The following YWHAZ variants were observed in gnomAD, a reference collection of about 807,000 sequenced individuals.
YWHAZ encodes the protein tyrosine 3-monooxygenase/tryptophan 5-monooxygenase activation protein zeta.
For missense variants in YWHAZ, 79 were observed against 284.8 expected, an observed-to-expected ratio of 0.28 and a Z score of 5.20; for synonymous variants, 87 against 103.6, an observed-to-expected ratio of 0.84 and a Z score of 0.97.
intron 2 of YWHAZ, among the ~76,000 whole-genome samples, chr8:100,938,275 A>C (rs1056484389): frequency 1.3e-5 from 2 of 152,238 alleles, no homozygotes; most frequent in Non-Finnish European, 2.9e-5. Context: ...ATGATACTAC[A>C]TTAAGAGACT....
At chr8:100,941,165 A>ACTAC (rs1563684328) in intron 2 of YWHAZ, among the ~76,000 whole-genome samples, 1 of 152,344 alleles carries the variant, frequency 6.6e-6, no homozygotes, top group East Asian at 1.9e-4. Context: ...CCTATATAAT[A>ACTAC]CTACCTTCAA....
At chr8:100,934,465 C>T (rs1306222961) in intron 2 of YWHAZ, among the ~76,000 whole-genome samples, 1 of 151,878 alleles carries the variant, frequency 6.6e-6, no homozygotes, top group Non-Finnish European at 1.5e-5. Flanking sequence ...CTTTAGGAGG[C>T]CAAGGTGGGT....
At chr8:100,935,596 G>A (rs1474498602) in intron 2 of YWHAZ, among the ~76,000 whole-genome samples, 3 of 152,112 alleles carry the variant, frequency 2.0e-5, no homozygotes, top group African/African-American at 7.2e-5. Context: ...GCAGCAAAGG[G>A]GCAGGCTAAG....
intron 1 of YWHAZ, chr8:100,951,044 A>G: frequency 6.0e-6 from 1 of 168,014 alleles, no homozygotes; most frequent in Non-Finnish European, 9.0e-6. Context: ...CCCCGTCCAC[A>G]CCTCCCCCGC....
At chr8:100,941,571 G>A (rs1809860460) in intron 2 of YWHAZ, among the ~76,000 whole-genome samples, 1 of 152,152 alleles carries the variant, frequency 6.6e-6, no homozygotes, top group African/African-American at 2.4e-5. Flanking sequence ...GATCACCTGA[G>A]GTCAGGAGTT....
intron 1 of YWHAZ, among the ~76,000 whole-genome samples, chr8:100,949,942 T>G (rs142038164): frequency 3.9e-4 from 60 of 152,310 alleles, no homozygotes; most frequent in African/African-American, 1.4e-3. Context: ...ATAAATGACT[T>G]CAGAGGAAAA....
chr8:100,946,922 C>G (rs1810327957), intron 2 of YWHAZ, among the ~76,000 whole-genome samples: 1 of 149,274 alleles, frequency 6.7e-6, no homozygotes, highest in Non-Finnish European at 1.5e-5. Flanking sequence ...AAACCCAATA[C>G]ATTTTTTATT....
intron 2 of YWHAZ, among the ~76,000 whole-genome samples, chr8:100,944,794 C>T (rs2130327438): frequency 6.6e-6 from 1 of 152,256 alleles, no homozygotes; most frequent in Non-Finnish European, 1.5e-5. Context: ...CCCCACAACC[C>T]TGTGGGATGA....
rs146501384 is a variant in YWHAZ, at chr8:100,926,568, G to A, written c.295-1529C>T. On this transcript the variant is annotated intron_variant, in intron 2 of 5. Coordinates refer to ENST00000395958, the MANE Select transcript of YWHAZ (RefSeq NM_145690.3). ...CGAGAGATAGAGGCTGCAGTGAGCC[G>A]AGGTTGCACCACTGCACTGCAGCCT... Among the ~76,000 whole-genome samples, 1,358 of 152,278 alleles carry A rather than the reference G, an allele frequency of 8.9e-3. 19 individuals carry two copies. Among genetic ancestry groups the A allele is most frequent in the African/African-American group, 0.025 (1,036 of 41,560 alleles).
rs1812882433 is a variant in YWHAZ, at chr8:100,919,567, A to C, written c.*1126T>G. On this transcript the variant is annotated 3_prime_UTR_variant, in exon 6 of 6. Coordinates refer to ENST00000395958, the MANE Select transcript of YWHAZ (RefSeq NM_145690.3). ...TTTTGTTATGATAAATTTTGTGTTT[A>C]AACTTGGTAAGAGCCCATTAGCTGC... 1 of 152,364 alleles carries C rather than the reference A, an allele frequency of 6.6e-6. No homozygotes were observed. Among genetic ancestry groups the C allele is most frequent in the South Asian group, 2.1e-4 (1 of 4,834 alleles). The allele number at this position is 152,364 out of a possible 1,614,324, so 9.4% of individuals were successfully genotyped here.
At position 100,924,313 on chromosome 8, in the gene YWHAZ, C is replaced by A. The variant is rs1048331379; in HGVS notation, c.419-15G>T. The A allele has an allele frequency of 3.7e-6, 6 of 1,607,142 alleles. No individual in the cohort carries two copies. Among genetic ancestry groups the A allele is most frequent in the Non-Finnish European group, 5.1e-6 (6 of 1,178,162 alleles). ...ATCGACAATCCCTGGATAAGACACA[C>A]CAAAACGTACTGAGATAAAGTGTGC... is the stretch of plus-strand genomic sequence containing the variant. On this transcript the variant is annotated splice_polypyrimidine_tract_variant and intron_variant, in intron 3 of 5. Coordinates refer to ENST00000395958, the MANE Select transcript of YWHAZ (RefSeq NM_145690.3). The surrounding 1 kb of genome is among the most constrained non-coding windows in gnomAD (Gnocchi z 5.7).
At chr8:100,943,487 C>T (rs1438534020) in intron 2 of YWHAZ, among the ~76,000 whole-genome samples, 1 of 152,134 alleles carries the variant, frequency 6.6e-6, no homozygotes, top group Non-Finnish European at 1.5e-5. Context: ...GAAATTAATC[C>T]AAAAGTCCAA....
At position 100,948,572 on chromosome 8, in the gene YWHAZ, A is replaced by G. The variant is rs773206519; in HGVS notation, c.294+24T>C. ...CTCATAGGGACCCTACAGTATAATG[A>G]AGCCAGACTGAATTGATTCTCACCA... On this transcript the variant is annotated intron_variant, in intron 2 of 5. Transcript: ENST00000395958. The surrounding 1 kb of genome is among the most constrained non-coding windows in gnomAD (Gnocchi z 4.2). 3.4e-5 allele frequency: 55 copies of G among 1,606,442 alleles called. No homozygotes were observed. The highest frequency in any genetic ancestry group is 2.4e-4 in the South Asian group (22 of 90,568).
At chr8:100,947,885 T>C (rs1416425271) in intron 2 of YWHAZ, among the ~76,000 whole-genome samples, 1 of 152,222 alleles carries the variant, frequency 6.6e-6, no homozygotes, top group Non-Finnish European at 1.5e-5. Context: ...ATCCTCAAAT[T>C]TAAACTATTC....
intron 2 of YWHAZ, among the ~76,000 whole-genome samples, chr8:100,929,699 TA>T (rs1486118418): frequency 3.3e-5 from 5 of 152,220 alleles, no homozygotes; most frequent in Admixed American, 3.3e-4. Flanking sequence ...AATTTAATGG[TA>T]ACATAAAAGA....
chr8:100,939,727 A>C (rs773964895), intron 2 of YWHAZ, among the ~76,000 whole-genome samples: 13 of 151,854 alleles, frequency 8.6e-5, no homozygotes, highest in Non-Finnish European at 1.9e-4. Flanking sequence ...TAAAGATTAA[A>C]AGTGAAATAC....
At chr8:100,946,174 T>C (rs1182202353) in intron 2 of YWHAZ, among the ~76,000 whole-genome samples, 1 of 152,200 alleles carries the variant, frequency 6.6e-6, no homozygotes, top group Non-Finnish European at 1.5e-5. Context: ...ATTATCTTGT[T>C]ATCCTCATCT....
chr8:100,918,382 C>T lies in YWHAZ; in HGVS notation c.*2311G>A, dbSNP rs1253710948. 3 of 107,612 alleles carry T rather than the reference C, an allele frequency of 2.8e-5. No homozygotes were observed. The highest frequency in any genetic ancestry group is 2.3e-4 in the Admixed American group (2 of 8,744). The allele number at this position is 107,612 out of a possible 1,614,324, so 6.7% of individuals were successfully genotyped here. On this transcript the variant is annotated 3_prime_UTR_variant, in exon 6 of 6. Transcript: ENST00000395958. ...AACAACAAAAAAATTCCCACCTCTT[C>T]AGTCTAGCTATAAAATATAATTACT...
At chr8:100,944,950 G>A (rs1027569011) in intron 2 of YWHAZ, among the ~76,000 whole-genome samples, 4 of 152,178 alleles carry the variant, frequency 2.6e-5, no homozygotes, top group African/African-American at 9.7e-5. Context: ...GAGTTTGAAA[G>A]AGGCTTCCTA....
Sources: gnomAD v4.1 joint callset for allele counts (sites outside exome capture counted in the v4.1 genomes callset) on GRCh38, gnomAD v4.1.1 for gene constraint, Gnocchi (gnomAD v3.1) non-coding constraint, MANE v1.5 for transcripts, NCBI Gene and HGNC (gene_info 2026-07-23, HGNC 2026-07-21) for gene names.